The following ZFAND6 variants were observed in gnomAD, a reference collection of about 807,000 sequenced individuals.
ZFAND6 encodes the protein AN1-type zinc finger protein 6.
A neutral mutation model predicts 24.5 loss-of-function variants in ZFAND6; 12 were observed. That is an observed-to-expected ratio of 0.49 (90% CI 0.31 to 0.79). ZFAND6 has a LOEUF of 0.79. Ranked by LOEUF, ZFAND6 falls within the 30% of genes least tolerant of loss-of-function variation. The pLI is 0.04. For synonymous variants in ZFAND6, 92 were observed against 81.5 expected (o/e 1.13, Z -0.69); for missense variants, 207 against 245.9 (o/e 0.84, Z 1.06).
intron 1 of ZFAND6, among the ~76,000 whole-genome samples, chr15:80,084,569 G>T (rs559196632): frequency 6.6e-6 from 1 of 152,170 alleles, no homozygotes; most frequent in African/African-American, 2.4e-5. Flanking sequence ...ACTAATTTAC[G>T]TGGGGGCAGT....
chr15:80,060,847 G>A (rs1343838118), intron 1 of ZFAND6: 1 of 152,274 alleles, frequency 6.6e-6, no homozygotes, highest in Non-Finnish European at 1.5e-5. Context: ...CTTGAACCCG[G>A]GAGGCGGAGG....
At chr15:80,111,315 C>T in intron 2 of ZFAND6, 2 of 339,016 alleles carry the variant, frequency 5.9e-6, no homozygotes, top group Non-Finnish European at 1.2e-5. Flanking sequence ...GGTATTGGTT[C>T]CAGGACCCCC....
intron 1 of ZFAND6, among the ~76,000 whole-genome samples, chr15:80,060,956 C>G (rs1391005487): frequency 1.3e-5 from 2 of 152,132 alleles, no homozygotes; most frequent in Non-Finnish European, 2.9e-5. Context: ...TTTTGAAGCT[C>G]CGAGAAACAG....
At chr15:80,128,305 G>C (rs1281537032) in intron 5 of ZFAND6, among the ~76,000 whole-genome samples, 1 of 152,186 alleles carries the variant, frequency 6.6e-6, no homozygotes, top group Non-Finnish European at 1.5e-5. Flanking sequence ...ACTTTAAAGA[G>C]TGAATTTTAT....
chr15:80,086,102 G>A lies in ZFAND6; in HGVS notation c.-180-12314G>A, dbSNP rs538053751. On this transcript the variant is annotated intron_variant, in intron 1 of 6. Transcript: ENST00000261749. ...TGCCCAGGCTGGAGTGCAATGGCGC[G>A]ATCTCAGCCCACTGCAACCTCCGTC... 7.9e-5 allele frequency among the ~76,000 whole-genome samples: 12 copies of A among 152,248 alleles called. No individual in the cohort carries two copies. The South Asian group carries it at 2.5e-3, about 32-fold the overall frequency.
intron 2 of ZFAND6, among the ~76,000 whole-genome samples, chr15:80,100,734 T>G (rs1352841666): frequency 6.6e-6 from 1 of 152,214 alleles, no homozygotes; most frequent in African/African-American, 2.4e-5. Context: ...TATTTGAGCT[T>G]GTTTTACTGT....
At position 80,098,592 on chromosome 15, in the gene ZFAND6, TA is replaced by T. The variant is rs1197458555; in HGVS notation, c.-18+16del. ...AACCTCAACTGTGTGAGTAGAGACT[TA>T]AGCCTGTAACCCTATGTAATTGGGC... is the stretch of plus-strand genomic sequence containing the variant. On this transcript the variant is annotated intron_variant, in intron 2 of 6. Coordinates refer to ENST00000261749, the MANE Select transcript of ZFAND6 (RefSeq NM_019006.4). 2.6e-5 allele frequency: 4 copies of T among 152,344 alleles called. No individual in the cohort carries two copies. The highest frequency in any genetic ancestry group is 9.6e-5 in the African/African-American group (4 of 41,580). The allele number at this position is 152,344 out of a possible 1,614,324, so 9.4% of individuals were successfully genotyped here.
chr15:80,117,731 A>G (rs142002078), intron 2 of ZFAND6, among the ~76,000 whole-genome samples: 4 of 152,274 alleles, frequency 2.6e-5, no homozygotes, highest in Non-Finnish European at 5.9e-5. Context: ...CAGGGTCAAG[A>G]TTTAGTAAAA....
intron 2 of ZFAND6, among the ~76,000 whole-genome samples, chr15:80,101,987 G>A (rs2039060764): frequency 6.6e-6 from 1 of 151,328 alleles, no homozygotes; most frequent in Non-Finnish European, 1.5e-5. Context: ...TAGAGAACGG[G>A]GTTTTTTAGC....
intron 2 of ZFAND6, among the ~76,000 whole-genome samples, chr15:80,117,686 C>T: frequency 6.6e-6 from 1 of 152,252 alleles, no homozygotes; most frequent in Non-Finnish European, 1.5e-5. Flanking sequence ...ATGCATGCTT[C>T]CCGGTTTGTC....
intron 1 of ZFAND6, among the ~76,000 whole-genome samples, chr15:80,089,403 C>T (rs762729540): frequency 6.6e-6 from 1 of 151,236 alleles, no homozygotes; most frequent in Non-Finnish European, 1.5e-5. Flanking sequence ...GGATTACAGG[C>T]TGTGCCACCA....
chr15:80,109,565 G>A (rs1041046099), intron 2 of ZFAND6, among the ~76,000 whole-genome samples: 2 of 152,160 alleles, frequency 1.3e-5, no homozygotes, highest in African/African-American at 4.8e-5. Flanking sequence ...AACGTGTATG[G>A]TAGGAAGGGG....
intron 5 of ZFAND6, among the ~76,000 whole-genome samples, chr15:80,123,600 A>T (rs1522635): frequency 0.78 from 118,074 of 152,166 alleles, 46,035 homozygotes; most frequent in Admixed American, 0.86. Flanking sequence ...CTAGTTTAAG[A>T]TGGCTAAATT....
At chr15:80,121,904 C>T (rs183558044) in intron 4 of ZFAND6, 84 bp downstream of exon 4, 59 of 1,136,006 alleles carry the variant, frequency 5.2e-5, no homozygotes, top group Admixed American at 1.1e-4. Context: ...AGGAAAACTA[C>T]GTAAAGCTAC....
At chr15:80,122,852 C>A in intron 5 of ZFAND6, 52 bp downstream of exon 5, 1 of 1,448,506 alleles carries the variant, frequency 6.9e-7, no homozygotes, top group Non-Finnish European at 9.6e-7. Context: ...ATAGGCCAGA[C>A]ACTATCCTAG....
chr15:80,107,215 C>CA (rs58268143), intron 2 of ZFAND6, among the ~76,000 whole-genome samples: 5,200 of 146,630 alleles, frequency 0.035, 279 homozygotes, highest in East Asian at 0.22. Context: ...AATTCCGTGT[C>CA]AAAAAAAAAA....
rs375541548 is a variant in ZFAND6, at chr15:80,129,171, GC to G, written c.365-2005del. ...AGATAAACAGTAAACAAGACATTCA[GC>G]CCCTGCCCTCTTGGAGCTTACATTC... On this transcript the variant is annotated intron_variant, in intron 5 of 6. Coordinates refer to ENST00000261749, the MANE Select transcript of ZFAND6 (RefSeq NM_019006.4). 5.3e-3 allele frequency among the ~76,000 whole-genome samples: 804 copies of G among 152,220 alleles called. 10 individuals are homozygous for G. Among genetic ancestry groups the G allele is most frequent in the African/African-American group, 0.019 (769 of 41,546 alleles).
chr15:80,097,476 T>C lies in ZFAND6; in HGVS notation c.-180-940T>C, dbSNP rs886249286. On this transcript the variant is annotated intron_variant, in intron 1 of 6. Transcript: ENST00000261749. ...CAGCCCTGCCGATATGGTGAAACTC[T>C]GTTTCTACAAAAAATACAAAAATTA... Among the ~76,000 whole-genome samples the C allele has an allele frequency of 3.3e-5, 5 of 152,138 alleles. 1 individual carries two copies. The highest frequency in any genetic ancestry group is 1.2e-4 in the African/African-American group (5 of 41,520).
At chr15:80,128,070 G>C (rs1337708492) in intron 5 of ZFAND6, among the ~76,000 whole-genome samples, 1 of 152,168 alleles carries the variant, frequency 6.6e-6, no homozygotes, top group Admixed American at 6.5e-5. Flanking sequence ...CTGAATAAAA[G>C]AAGTTAGGTA....
Sources: gnomAD v4.1 joint callset for allele counts (sites outside exome capture counted in the v4.1 genomes callset) on GRCh38, gnomAD v4.1.1 for gene constraint, MANE v1.5 for transcripts, NCBI Gene and HGNC (gene_info 2026-07-23, HGNC 2026-07-21) for gene names.